Variants in NEDD4L observed in about 807,000 individuals in gnomAD.
NEDD4L encodes the protein NEDD4 like E3 ubiquitin protein ligase, also known as E3 ubiquitin-protein ligase NEDD4-like.
A neutral mutation model predicts 148.9 loss-of-function variants in NEDD4L; 54 were observed. The ratio of observed to expected loss-of-function variants is 0.36; its 90% CI spans 0.29 to 0.45. NEDD4L has a LOEUF of 0.45. Among genes scored for constraint, NEDD4L ranks in the 20% least tolerant of loss-of-function variants. NEDD4L has a pLI of 1.00. For synonymous variants in NEDD4L, 433 were observed against 440.7 expected (o/e 0.98, Z 0.22); for missense variants, 856 against 1,233.8 (o/e 0.69, Z 4.59).
chr18:58,328,065 A>G (rs1163983271), intron 9 of NEDD4L, among the ~76,000 whole-genome samples: 2 of 152,002 alleles, frequency 1.3e-5, no homozygotes, highest in Non-Finnish European at 2.9e-5. Flanking sequence ...CCTGGGCTCA[A>G]GTGATTCTCC....
intron 1 of NEDD4L, among the ~76,000 whole-genome samples, chr18:58,108,460 G>A (rs970450330): frequency 6.6e-6 from 1 of 151,816 alleles, no homozygotes; most frequent in Non-Finnish European, 1.5e-5. Context: ...TCACTGTGTC[G>A]CCCAGGCTGG....
intron 5 of NEDD4L, among the ~76,000 whole-genome samples, chr18:58,274,115 A>G (rs1021831466): frequency 6.7e-6 from 1 of 149,906 alleles, no homozygotes; most frequent in Non-Finnish European, 1.5e-5. Flanking sequence ...TGAGCCACGT[A>G]GAGAGAAGTT....
intron 2 of NEDD4L, among the ~76,000 whole-genome samples, chr18:58,187,179 C>T (rs547145420): frequency 3.2e-4 from 48 of 152,312 alleles, no homozygotes; most frequent in African/African-American, 1.1e-3. Context: ...GTCTCCGTGG[C>T]TTCCAGTCTT....
At chr18:58,164,289 T>C (rs908830212) in intron 1 of NEDD4L, among the ~76,000 whole-genome samples, 7 of 152,146 alleles carry the variant, frequency 4.6e-5, no homozygotes, top group Non-Finnish European at 1.0e-4. Flanking sequence ...TTCTCACCTG[T>C]GATTGATCAT....
intron 5 of NEDD4L, among the ~76,000 whole-genome samples, chr18:58,272,928 G>A (rs2051276901): frequency 6.6e-6 from 1 of 152,198 alleles, no homozygotes; most frequent in African/African-American, 2.4e-5. Flanking sequence ...ATGTGCCAAA[G>A]GAGGCAAACA....
chr18:58,332,837 A>T (rs991910261), intron 11 of NEDD4L, among the ~76,000 whole-genome samples: 2 of 152,184 alleles, frequency 1.3e-5, no homozygotes, highest in African/African-American at 2.4e-5. Context: ...GCTAATCTTC[A>T]TTCATATCAA....
In NEDD4L at chr18:58,398,752, A is replaced by G. The variant is rs886539059; in HGVS notation, c.*2483A>G. On this transcript the variant is annotated 3_prime_UTR_variant, in exon 31 of 31. Transcript: ENST00000400345. ...TTCTCTCTTTGCCTAAAATGGTCATAGATCTTGATTTCTCTGAATCGTGAT... is the reference window on the plus strand; with the variant it reads ...TTCTCTCTTTGCCTAAAATGGTCATGGATCTTGATTTCTCTGAATCGTGAT... The G allele has an allele frequency of 1.3e-5, 2 of 152,262 alleles. No individual in the cohort carries two copies. The highest frequency in any genetic ancestry group is 2.9e-5 in the Non-Finnish European group (2 of 68,046). 9.4% of individuals were successfully genotyped at this position (152,262 alleles called of 1,614,324 possible). A position where few individuals can be genotyped will look rare whatever the true frequency, so the allele number is the denominator to read the frequency against.
chr18:58,061,480 G>GT (rs10579186), intron 1 of NEDD4L, among the ~76,000 whole-genome samples: 5 of 148,336 alleles, frequency 3.4e-5, no homozygotes, highest in Non-Finnish European at 5.9e-5. Flanking sequence ...ACTGTGGGTT[G>GT]TTTTTTTTTT....
chr18:58,071,927 A>C (rs900899108), intron 1 of NEDD4L, among the ~76,000 whole-genome samples: 3 of 152,230 alleles, frequency 2.0e-5, no homozygotes, highest in Non-Finnish European at 4.4e-5. Context: ...TCTCCACCTT[A>C]TCCTGCCCTT....
At chr18:58,240,617 T>C (rs1269400728) in intron 2 of NEDD4L, among the ~76,000 whole-genome samples, 1 of 152,182 alleles carries the variant, frequency 6.6e-6, no homozygotes, top group African/African-American at 2.4e-5. Context: ...CCTGTTCTTT[T>C]GAGTCCACCT....
At chr18:58,187,463 C>A (rs2039599426) in intron 2 of NEDD4L, among the ~76,000 whole-genome samples, 1 of 152,058 alleles carries the variant, frequency 6.6e-6, no homozygotes. Context: ...TCTTATAAAT[C>A]AGAAGAGCAA....
At chr18:58,246,685 G>C (rs557334360) in intron 3 of NEDD4L, among the ~76,000 whole-genome samples, 159 of 152,200 alleles carry the variant, frequency 1.0e-3, no homozygotes, top group Admixed American at 4.3e-3. Context: ...GGCTGGTCTG[G>C]AACTGCTGAC....
chr18:58,122,561 T>C (rs111566552), intron 1 of NEDD4L, among the ~76,000 whole-genome samples: 67 of 152,338 alleles, frequency 4.4e-4, no homozygotes, highest in African/African-American at 1.5e-3. Context: ...TTTGCCTTGC[T>C]ACCTCCAACT....
chr18:58,168,284 TGA>T (rs1258711314), intron 2 of NEDD4L, among the ~76,000 whole-genome samples: 1 of 152,216 alleles, frequency 6.6e-6, no homozygotes, highest in Non-Finnish European at 1.5e-5. Context: ...CCAGTGGGTC[TGA>T]GATGCAAGTG....
At chr18:58,231,585 CAG>C (rs1319570215) in intron 2 of NEDD4L, among the ~76,000 whole-genome samples, 1 of 152,054 alleles carries the variant, frequency 6.6e-6, no homozygotes, top group African/African-American at 2.4e-5. Flanking sequence ...TGTTTTGAGA[CAG>C]AGTCTCACTT....
At chr18:58,072,872 G>GCACACA (rs766485355) in intron 1 of NEDD4L, among the ~76,000 whole-genome samples, 5,606 of 131,484 alleles carry the variant, frequency 0.043, 124 homozygotes, top group Admixed American at 0.075. Flanking sequence ...GCGCGCGCGC[G>GCACACA]CACACACACA....
In NEDD4L at chr18:58,044,722, C is replaced by T. The variant is rs372316024; in HGVS notation, c.48+14C>T. 120 of 1,604,426 alleles carry T rather than the reference C, an allele frequency of 7.5e-5. No individual in the cohort carries two copies. In the East Asian group the frequency reaches 2.0e-3, roughly 27 times the overall value. On this transcript the variant is annotated intron_variant, in intron 1 of 30. Coordinates refer to ENST00000400345, the MANE Select transcript of NEDD4L (RefSeq NM_001144967.3). ...TCCGAAGACGAGGTGAGTGGCACCCCCTTCCTGCTCGGGACTCCCCGGGGA... is the reference window on the plus strand; with the variant it reads ...TCCGAAGACGAGGTGAGTGGCACCCTCTTCCTGCTCGGGACTCCCCGGGGA...
At chr18:58,056,013 G>C (rs1285166877) in intron 1 of NEDD4L, among the ~76,000 whole-genome samples, 1 of 152,206 alleles carries the variant, frequency 6.6e-6, no homozygotes, top group Non-Finnish European at 1.5e-5. Context: ...ATACTCACCT[G>C]TGAGCGGTCA....
chr18:58,232,036 C>T (rs2045307556), intron 2 of NEDD4L, among the ~76,000 whole-genome samples: 2 of 152,130 alleles, frequency 1.3e-5, no homozygotes, highest in South Asian at 4.1e-4. Flanking sequence ...TTGATGTGTC[C>T]CCTGTGCCTT....
Sources: allele counts gnomAD v4.1 joint callset (sites outside exome capture counted in the v4.1 genomes callset), GRCh38; gene constraint gnomAD v4.1.1; transcripts MANE v1.5; gene names NCBI Gene and HGNC (gene_info 2026-07-23, HGNC 2026-07-21).